PLCL1: variants seen among roughly 807,000 people sequenced by gnomAD.
PLCL1 encodes the protein inactive phospholipase C-like protein 1.
A neutral mutation model predicts 84.4 loss-of-function variants in PLCL1; 41 were observed. The ratio of observed to expected loss-of-function variants is 0.49; its 90% CI spans 0.38 to 0.63. The LOEUF (loss-of-function observed/expected upper bound fraction) is 0.63, where lower values mean the gene tolerates loss of function less well. Among genes scored for constraint, PLCL1 ranks in the 30% least tolerant of loss-of-function variants. The pLI, the probability that PLCL1 is intolerant of heterozygous loss-of-function variation, is 0.00. For synonymous variants in PLCL1, 490 were observed against 488.3 expected (o/e 1.00, Z -0.05); for missense variants, 1,206 against 1,367.8 (o/e 0.88, Z 1.87).
chr2:198,030,821 G>C (rs1691395096), intron 1 of PLCL1, among the ~76,000 whole-genome samples: 3 of 152,178 alleles, frequency 2.0e-5, no homozygotes, highest in Admixed American at 2.0e-4. Flanking sequence ...CATTGTCTCT[G>C]ATTTGACCCA....
chr2:197,893,068 T>C (rs528220495), intron 1 of PLCL1, among the ~76,000 whole-genome samples: 24 of 152,322 alleles, frequency 1.6e-4, no homozygotes, highest in Admixed American at 1.3e-3. Flanking sequence ...GGTTTGAAGT[T>C]AGTTAACTGT....
chr2:198,100,960 G>A (rs1693317582), intron 3 of PLCL1, among the ~76,000 whole-genome samples: 1 of 152,060 alleles, frequency 6.6e-6, no homozygotes, highest in African/African-American at 2.4e-5. Flanking sequence ...AATCTTTGAT[G>A]TTAAGGGAGT....
Position 198,147,770 on chromosome 2 carries a change from G to A in PLCL1, c.*808G>A, listed in dbSNP as rs1342570128. 3 of 152,238 alleles carry A rather than the reference G, an allele frequency of 2.0e-5. No homozygotes were observed. Among genetic ancestry groups the A allele is most frequent in the African/African-American group, 7.2e-5 (3 of 41,406 alleles). The allele number at this position is 152,238 out of a possible 1,614,324, so 9.4% of individuals were successfully genotyped here. On this transcript the variant is annotated 3_prime_UTR_variant, in exon 6 of 6. Transcript: ENST00000428675. ...TCTGTTGCAATTAGGATTTTGATGT[G>A]ACAATAATATTGTTGTATAATTTCG...
chr2:197,889,166 C>T (rs184452448), intron 1 of PLCL1, among the ~76,000 whole-genome samples: 9 of 152,224 alleles, frequency 5.9e-5, no homozygotes, highest in Admixed American at 5.2e-4. Flanking sequence ...TGAGAAATTC[C>T]GAGAAGCATA....
At chr2:197,850,700 C>T (rs1687217573) in intron 1 of PLCL1, among the ~76,000 whole-genome samples, 1 of 152,128 alleles carries the variant, frequency 6.6e-6, no homozygotes, top group Non-Finnish European at 1.5e-5. Flanking sequence ...CTACACCTAC[C>T]TACTTCAGGT....
chr2:198,053,882 G>C (rs951894445), intron 1 of PLCL1, among the ~76,000 whole-genome samples: 2 of 152,200 alleles, frequency 1.3e-5, no homozygotes, highest in African/African-American at 4.8e-5. Context: ...GTTTTGTGTA[G>C]AGCATGTCAA....
chr2:198,075,171 T>C (rs868032170), intron 1 of PLCL1, among the ~76,000 whole-genome samples: 1 of 152,210 alleles, frequency 6.6e-6, no homozygotes, highest in East Asian at 1.9e-4. Flanking sequence ...TCCTGGGCCC[T>C]GCTGTGCAGG....
At chr2:197,993,104 C>T (rs777208882) in intron 1 of PLCL1, among the ~76,000 whole-genome samples, 10 of 152,090 alleles carry the variant, frequency 6.6e-5, no homozygotes, top group Non-Finnish European at 1.3e-4. Flanking sequence ...TCCATAGTGG[C>T]GGTACCATTT....
intron 1 of PLCL1, among the ~76,000 whole-genome samples, chr2:197,822,730 C>T (rs1309362688): frequency 1.3e-5 from 2 of 152,188 alleles, no homozygotes; most frequent in East Asian, 3.9e-4. Flanking sequence ...GTTCCTAGGC[C>T]TCAACACTGG....
chr2:197,806,440 G>A (rs767703546), intron 1 of PLCL1, among the ~76,000 whole-genome samples: 33 of 152,172 alleles, frequency 2.2e-4, no homozygotes, highest in Non-Finnish European at 4.1e-4. Flanking sequence ...CAAGCTCCCA[G>A]CACCAGCTTA....
chr2:198,033,821 CT>C (rs1489607450), intron 1 of PLCL1, among the ~76,000 whole-genome samples: 2 of 152,134 alleles, frequency 1.3e-5, no homozygotes, highest in African/African-American at 4.8e-5. Flanking sequence ...TCCTAAGATT[CT>C]GTTTCCAGCC....
At chr2:197,988,387 C>T (rs1690263517) in intron 1 of PLCL1, among the ~76,000 whole-genome samples, 1 of 152,120 alleles carries the variant, frequency 6.6e-6, no homozygotes, top group South Asian at 2.1e-4. Flanking sequence ...ACCCTCCTTC[C>T]TTCTCATTCT....
intron 1 of PLCL1, among the ~76,000 whole-genome samples, chr2:197,895,139 C>T (rs1688109198): frequency 6.6e-6 from 1 of 151,890 alleles, no homozygotes. Flanking sequence ...GATACAAGTG[C>T]CAGATAAAAT....
intron 1 of PLCL1, among the ~76,000 whole-genome samples, chr2:198,010,175 TG>T (rs1444553370): frequency 6.6e-6 from 1 of 152,060 alleles, no homozygotes; most frequent in African/African-American, 2.4e-5. Flanking sequence ...CTTGTCTAAT[TG>T]CTCTGGTAAG....
intron 3 of PLCL1, among the ~76,000 whole-genome samples, chr2:198,096,547 T>G (rs1208361757): frequency 6.6e-6 from 1 of 152,180 alleles, no homozygotes; most frequent in African/African-American, 2.4e-5. Context: ...TGAAGTGGAA[T>G]AGCTACAGGA....
chr2:197,903,523 G>T (rs1265464164), intron 1 of PLCL1, among the ~76,000 whole-genome samples: 13 of 103,164 alleles, frequency 1.3e-4, no homozygotes, highest in Non-Finnish European at 2.1e-4. Context: ...TCGCTTTGTC[G>T]CCCAGGCTGG....
At chr2:198,112,628 C>T (rs1237972203) in intron 5 of PLCL1, among the ~76,000 whole-genome samples, 4 of 151,882 alleles carry the variant, frequency 2.6e-5, no homozygotes, top group Non-Finnish European at 5.9e-5. Flanking sequence ...CTCTAGGCAA[C>T]ATTTACTTCT....
chr2:198,079,815 A>G (rs1365050202), intron 1 of PLCL1, among the ~76,000 whole-genome samples: 1 of 152,202 alleles, frequency 6.6e-6, no homozygotes. Context: ...AATATTAGGA[A>G]GTAGAAAGGA....
At chr2:197,993,196 C>T (rs1690377845) in intron 1 of PLCL1, among the ~76,000 whole-genome samples, 1 of 152,144 alleles carries the variant, frequency 6.6e-6, no homozygotes, top group Admixed American at 6.5e-5. Context: ...TTTATAATAG[C>T]AATCCTAATG....
Sources: allele counts gnomAD v4.1 joint callset (sites outside exome capture counted in the v4.1 genomes callset), GRCh38; gene constraint gnomAD v4.1.1; transcripts MANE v1.5; gene names NCBI Gene and HGNC (gene_info 2026-07-23, HGNC 2026-07-21).